SLC25A24: variants seen among roughly 807,000 people sequenced by gnomAD.
SLC25A24 encodes solute carrier family 25 member 24.
SLC25A24 carries 49 observed loss-of-function variants against 60.7 expected under a neutral mutation model. The observed-to-expected ratio is 0.81, with a 90% confidence interval of 0.64 to 1.02. The LOEUF (loss-of-function observed/expected upper bound fraction) is 1.02, where lower values mean the gene tolerates loss of function less well. Among genes scored for constraint, SLC25A24 ranks in the 50% least tolerant of loss-of-function variants. The probability of loss-of-function intolerance (pLI) is 0.00; values close to 1 mark genes in which losing one functional copy is unlikely to be tolerated. For synonymous variants in SLC25A24, 202 were observed against 200.6 expected (o/e 1.01, Z -0.06); for missense variants, 564 against 586.3 (o/e 0.96, Z 0.39).
At chr1:108,143,774 G>C in intron 7 of SLC25A24, 64 bp from the exon 8 acceptor site, 1 of 1,298,874 alleles carries the variant, frequency 7.7e-7, no homozygotes, top group Non-Finnish European at 1.1e-6. Context: ...GGATTCAAAT[G>C]AAGTAATTTT....
intron 1 of SLC25A24, among the ~76,000 whole-genome samples, chr1:108,187,074 T>C (rs1648149876): frequency 2.4e-5 from 2 of 84,902 alleles, no homozygotes; most frequent in South Asian, 6.3e-4. Flanking sequence ...TGAAACTCTA[T>C]CTCAAAAAAA....
At chr1:108,174,893 G>T (rs1205314554) in intron 3 of SLC25A24, among the ~76,000 whole-genome samples, 1 of 152,102 alleles carries the variant, frequency 6.6e-6, no homozygotes, top group Non-Finnish European at 1.5e-5. Flanking sequence ...TCTCCCATTT[G>T]GAACAAGTAT....
intron 3 of SLC25A24, among the ~76,000 whole-genome samples, chr1:108,181,413 T>A (rs1218049834): frequency 6.6e-6 from 1 of 152,150 alleles, no homozygotes; most frequent in Admixed American, 6.5e-5. Flanking sequence ...AAACAAAACA[T>A]TAAGAGTATA....
chr1:108,182,789 C>T (rs558624718), intron 2 of SLC25A24, among the ~76,000 whole-genome samples: 13 of 151,906 alleles, frequency 8.6e-5, no homozygotes, highest in Admixed American at 5.9e-4. Context: ...GCTGAGATCG[C>T]GCCACTGCAC....
chr1:108,167,560 G>A (rs1647238277), intron 3 of SLC25A24, among the ~76,000 whole-genome samples: 1 of 152,214 alleles, frequency 6.6e-6, no homozygotes, highest in South Asian at 2.1e-4. Context: ...TTTTCCAGGT[G>A]CCATCTGTCA....
intron 7 of SLC25A24, among the ~76,000 whole-genome samples, chr1:108,147,216 T>C (rs1304954229): frequency 6.6e-6 from 1 of 152,222 alleles, no homozygotes; most frequent in Non-Finnish European, 1.5e-5. Context: ...GTGTTTATAG[T>C]ATTCCCTGAT....
chr1:108,172,263 CCTCT>C (rs1468083348), intron 3 of SLC25A24, among the ~76,000 whole-genome samples: 1 of 152,232 alleles, frequency 6.6e-6, no homozygotes, highest in Non-Finnish European at 1.5e-5. Context: ...CTCAGTGACT[CCTCT>C]CTTACACCCT....
intron 2 of SLC25A24, among the ~76,000 whole-genome samples, chr1:108,182,363 T>G (rs1189750599): frequency 6.6e-6 from 1 of 152,180 alleles, no homozygotes; most frequent in East Asian, 1.9e-4. Flanking sequence ...AATCAAGATA[T>G]TCTAACTCCA....
In SLC25A24 at chr1:108,135,776, G is replaced by T. The variant is rs1453939982; in HGVS notation, c.*877C>A. 1 of 152,552 alleles carries T rather than the reference G, an allele frequency of 6.6e-6. No homozygotes were observed. Among genetic ancestry groups the T allele is most frequent in the Admixed American group, 6.5e-5 (1 of 15,282 alleles). The allele number at this position is 152,552 out of a possible 1,614,324, so 9.4% of individuals were successfully genotyped here. On this transcript the variant is annotated 3_prime_UTR_variant, in exon 10 of 10. Coordinates refer to ENST00000565488, the MANE Select transcript of SLC25A24 (RefSeq NM_013386.5). ...CAATCCACTTCATGCAATTAAAAAA[G>T]AAATTTCAGGTTACTAAGAATGGTC...
At chr1:108,172,879 C>T (rs1647508776) in intron 3 of SLC25A24, among the ~76,000 whole-genome samples, 1 of 151,984 alleles carries the variant, frequency 6.6e-6, no homozygotes, top group Non-Finnish European at 1.5e-5. Context: ...AAAATTGTTT[C>T]TAACACTTTT....
Position 108,200,199 on chromosome 1 carries a change from G to T in SLC25A24, c.-61C>A. 6.9e-7 allele frequency: 1 copy of T among 1,458,458 alleles called. No homozygotes were observed. The highest frequency in any genetic ancestry group is 9.1e-7 in the Non-Finnish European group (1 of 1,101,646). 90.3% of individuals were successfully genotyped at this position (1,458,458 alleles called of 1,614,324 possible). A position where few individuals can be genotyped will look rare whatever the true frequency, so the allele number is the denominator to read the frequency against. ...CACGGGAGATCGAGGGCTGCGGGGC[G>T]AGACCGGGACCAGCGCGAGGCCGGG... is the stretch of plus-strand genomic sequence containing the variant. On this transcript the variant is annotated 5_prime_UTR_variant, in exon 1 of 10. Coordinates refer to ENST00000565488, the MANE Select transcript of SLC25A24 (RefSeq NM_013386.5).
rs918964442 is a variant in SLC25A24 at position 108,187,923 on chromosome 1, T to TATAGATAG, written c.184-1970_184-1969insCTATCTAT. On this transcript the variant is annotated intron_variant, in intron 1 of 9. Transcript: ENST00000565488. Reference sequence around the variant, plus strand: ...ATAATACACGAAATGGATAAGACATTATAGATATATATATATATATATTCA... The same window carrying TATAGATAG: ...ATAATACACGAAATGGATAAGACATTATAGATAGATAGATATATATATATATATATTCA... 2.6e-4 allele frequency among the ~76,000 whole-genome samples: 20 copies of TATAGATAG among 77,130 alleles called. 1 individual carries two copies. The East Asian group carries it at 2.6e-3, about 10-fold the overall frequency. The allele number at this position is 77,130 out of a possible 152,430, so 50.6% of individuals were successfully genotyped here.
chr1:108,161,320 T>C, intron 3 of SLC25A24, 27 bp from the exon 4 acceptor site: 1 of 1,152,964 alleles, frequency 8.7e-7, no homozygotes, highest in Non-Finnish European at 1.3e-6. Context: ...ATGATCAAAG[T>C]ACAAAACTAA....
intron 3 of SLC25A24, among the ~76,000 whole-genome samples, chr1:108,169,655 A>C (rs1245599075): frequency 1.3e-5 from 2 of 152,166 alleles, no homozygotes; most frequent in African/African-American, 2.4e-5. Flanking sequence ...AAATGTTTGT[A>C]CATCTGTTCT....
rs532485349 is a variant in SLC25A24, at chr1:108,180,616, A to ATCCCTCTCTCTCTCTCTCTC, written c.398+1324_398+1325insGAGAGAGAGAGAGAGAGGGA. 4.4e-4 allele frequency among the ~76,000 whole-genome samples: 27 copies of ATCCCTCTCTCTCTCTCTCTC among 61,812 alleles called. 4 individuals are homozygous for ATCCCTCTCTCTCTCTCTCTC. The highest frequency in any genetic ancestry group is 1.8e-3 in the African/African-American group (26 of 14,536). The allele number at this position is 61,812 out of a possible 152,430, so 40.6% of individuals were successfully genotyped here. A position where few individuals can be genotyped will look rare whatever the true frequency, so the allele number is the denominator to read the frequency against. Reference sequence around the variant, plus strand: ...CCTTATAATAGAAAGCAAGAGAAAGATCTCTCTCTCTCTCTCTCTCTCTCT... The same window carrying ATCCCTCTCTCTCTCTCTCTC: ...CCTTATAATAGAAAGCAAGAGAAAGATCCCTCTCTCTCTCTCTCTCTCTCTCTCTCTCTCTCTCTCTCTCT... On this transcript the variant is annotated intron_variant, in intron 3 of 9. Coordinates refer to ENST00000565488, the MANE Select transcript of SLC25A24 (RefSeq NM_013386.5).
intron 8 of SLC25A24, 32 bp downstream of exon 8, chr1:108,143,511 T>C: frequency 6.3e-7 from 1 of 1,579,154 alleles, no homozygotes; most frequent in Non-Finnish European, 8.6e-7. Flanking sequence ...TCTAACTGCA[T>C]TTTCCAATTC....
At chr1:108,158,832 T>A (rs879749081) in intron 4 of SLC25A24, among the ~76,000 whole-genome samples, 9 of 151,790 alleles carry the variant, frequency 5.9e-5, no homozygotes, top group Non-Finnish European at 7.4e-5. Flanking sequence ...AAACCCCGTC[T>A]CTACTAAAAA....
chr1:108,157,500 T>C lies in SLC25A24; in HGVS notation c.631A>G (p.Ser211Gly), dbSNP rs1478157164. The part of the protein sequence containing the change: ...GGIAGAVSRT[S>G]TAPLDRLKIM... ...TTCAGACGGTCCAAAGGGGCAGTGCTTGTTCGAGAGACAGCACCAGCAATG... is the reference window on the plus strand; with the variant it reads ...TTCAGACGGTCCAAAGGGGCAGTGCCTGTTCGAGAGACAGCACCAGCAATG... The change falls in exon 5 of 10, where the codon AGC becomes GGC. Residue 211 changes from serine to glycine, a missense_variant. Coordinates refer to ENST00000565488, the MANE Select transcript of SLC25A24 (RefSeq NM_013386.5). The C allele has an allele frequency of 1.9e-6, 3 of 1,614,064 alleles. No individual in the cohort carries two copies. The highest frequency in any genetic ancestry group is 1.7e-6 in the Non-Finnish European group (2 of 1,180,048).
chr1:108,163,769 T>A (rs973917840), intron 3 of SLC25A24, among the ~76,000 whole-genome samples: 1 of 151,970 alleles, frequency 6.6e-6, no homozygotes, highest in African/African-American at 2.4e-5. Context: ...TTTTCCTAAT[T>A]GAATACCCTT....
Sources: allele counts gnomAD v4.1 joint callset (sites outside exome capture counted in the v4.1 genomes callset), GRCh38; gene constraint gnomAD v4.1.1; transcripts MANE v1.5; gene names NCBI Gene and HGNC (gene_info 2026-07-23, HGNC 2026-07-21).